SV2C: variants seen among roughly 807,000 people sequenced by gnomAD.
The protein encoded by SV2C is solute carrier family 22 member B3.
In SV2C, 49 loss-of-function variants were observed where a neutral mutation model predicts 79.7. The ratio of observed to expected loss-of-function variants is 0.61; its 90% CI spans 0.49 to 0.78. The LOEUF (loss-of-function observed/expected upper bound fraction) is 0.78. SV2C is among the 30% of genes least tolerant of loss of function. SV2C has a pLI of 0.00. For missense variants in SV2C, 833 were observed against 912.9 expected, an observed-to-expected ratio of 0.91 and a Z score of 1.13; for synonymous variants, 334 against 333.2, an observed-to-expected ratio of 1.00 and a Z score of -0.03.
At chr5:76,038,568 G>A in the SV2C span, among the ~76,000 whole-genome samples, 1 of 152,140 alleles carries the variant, frequency 6.6e-6, no homozygotes, top group African/African-American at 2.4e-5. Context: ...GGCAGATAAA[G>A]CTTCAGGCAC....
At chr5:75,894,715 A>C in the SV2C span, among the ~76,000 whole-genome samples, 1 of 152,134 alleles carries the variant, frequency 6.6e-6, no homozygotes, top group Non-Finnish European at 1.5e-5. Context: ...GTTTGACCAA[A>C]CAGTAGCCCA....
chr5:75,872,246 A>T, the SV2C span, among the ~76,000 whole-genome samples: 8 of 151,626 alleles, frequency 5.3e-5, no homozygotes, highest in Admixed American at 2.0e-4. Context: ...TTATTAGGTA[A>T]TATGAAAAAA....
intron 12 of SV2C, among the ~76,000 whole-genome samples, chr5:76,351,826 C>T (rs1489882304): frequency 1.3e-5 from 2 of 152,316 alleles, no homozygotes; most frequent in South Asian, 2.1e-4. Context: ...TTCTCACCCT[C>T]GCATGGCAAG....
the SV2C span, among the ~76,000 whole-genome samples, chr5:75,858,253 C>CT: frequency 2.0e-5 from 3 of 152,032 alleles, no homozygotes; most frequent in African/African-American, 4.8e-5. Flanking sequence ...TTGTATATGG[C>CT]TTTTTTGTGT....
the SV2C span, among the ~76,000 whole-genome samples, chr5:76,060,104 C>T: frequency 2.0e-5 from 3 of 152,230 alleles, no homozygotes; most frequent in South Asian, 2.1e-4. Context: ...GTCGCTCAGG[C>T]GTTCTTATTT....
intron 4 of SV2C, among the ~76,000 whole-genome samples, chr5:76,280,346 C>T (rs1313434159): frequency 6.6e-6 from 1 of 151,276 alleles, no homozygotes; most frequent in Admixed American, 6.6e-5. Context: ...GGCTAAACTT[C>T]AGCTGTTCAA....
the SV2C span, among the ~76,000 whole-genome samples, chr5:75,896,849 G>A: frequency 6.8e-6 from 1 of 148,116 alleles, no homozygotes; most frequent in African/African-American, 2.6e-5. Flanking sequence ...TGTGTTTTTT[G>A]GCTGCATAAA....
At chr5:76,062,677 A>G in the SV2C span, among the ~76,000 whole-genome samples, 1 of 151,888 alleles carries the variant, frequency 6.6e-6, no homozygotes, top group East Asian at 1.9e-4. Context: ...TTATTGCTTT[A>G]TGGCTGTCTA....
At chr5:76,052,562 T>C in the SV2C span, among the ~76,000 whole-genome samples, 1 of 152,350 alleles carries the variant, frequency 6.6e-6, no homozygotes, top group Non-Finnish European at 1.5e-5. Context: ...GAAGAATGCA[T>C]GTCTGTCGTG....
At chr5:76,081,273 C>G (rs1172852644), upstream of SV2C, among the ~76,000 whole-genome samples, 1 of 152,182 alleles carries the variant, frequency 6.6e-6, no homozygotes, top group Non-Finnish European at 1.5e-5. Context: ...ACTTCCATCA[C>G]TTGGAGAAAC....
chr5:76,346,312 T>A (rs1172273783), intron 12 of SV2C, among the ~76,000 whole-genome samples: 1 of 152,256 alleles, frequency 6.6e-6, no homozygotes, highest in Admixed American at 6.5e-5. Context: ...TTTAAGTTTA[T>A]ATAACTTAGC....
chr5:75,957,269 A>C, the SV2C span, among the ~76,000 whole-genome samples: 4 of 152,034 alleles, frequency 2.6e-5, no homozygotes. Context: ...ACTAAGACAT[A>C]AGGGATACAG....
chr5:75,912,225 T>G, the SV2C span, among the ~76,000 whole-genome samples: 1 of 152,256 alleles, frequency 6.6e-6, no homozygotes, highest in African/African-American at 2.4e-5. Flanking sequence ...GCACACATAC[T>G]CAGAGATAGT....
At chr5:76,189,354 C>T (rs1744026284) in intron 2 of SV2C, among the ~76,000 whole-genome samples, 1 of 151,944 alleles carries the variant, frequency 6.6e-6, no homozygotes, top group African/African-American at 2.4e-5. Flanking sequence ...TAGAATTGAC[C>T]TTAAGAGGAT....
chr5:76,192,544 A>C (rs1216437038), intron 2 of SV2C, among the ~76,000 whole-genome samples: 1 of 152,222 alleles, frequency 6.6e-6, no homozygotes, highest in East Asian at 1.9e-4. Context: ...AACACTGTGA[A>C]TATAGAAAGG....
At chr5:76,347,504 G>A (rs892183875) in intron 12 of SV2C, among the ~76,000 whole-genome samples, 1 of 152,134 alleles carries the variant, frequency 6.6e-6, no homozygotes, top group African/African-American at 2.4e-5. Context: ...GAGTGCAGGG[G>A]TGCAGTCTCC....
intron 2 of SV2C, among the ~76,000 whole-genome samples, chr5:76,146,889 T>A (rs538902078): frequency 6.0e-5 from 9 of 149,384 alleles, no homozygotes; most frequent in Non-Finnish European, 1.3e-4. Context: ...AAAAATTAAG[T>A]GCTGACTGTG....
In SV2C at chr5:76,253,708, GA is replaced by G. The variant is rs11390195; in HGVS notation, c.914-31436del. Among the ~76,000 whole-genome samples, 627 of 118,178 alleles carry G rather than the reference GA, an allele frequency of 5.3e-3. 7 individuals are homozygous for G. Among genetic ancestry groups the G allele is most frequent in the Middle Eastern group, 0.05 (11 of 220 alleles). The allele number at this position is 118,178 out of a possible 152,430, so 77.5% of individuals were successfully genotyped here. A position where few individuals can be genotyped will look rare whatever the true frequency, so the allele number is the denominator to read the frequency against. On this transcript the variant is annotated intron_variant, in intron 4 of 12. Transcript: ENST00000502798. ...TTCCCCACCACCTCTCCTCCCTAAG[GA>G]AAAAAAAAAAAAAAAAATCTCACCT...
chr5:76,266,293 C>T (rs1746652714), intron 4 of SV2C, among the ~76,000 whole-genome samples: 3 of 152,098 alleles, frequency 2.0e-5, no homozygotes, highest in African/African-American at 4.8e-5. Context: ...CTGCAACCTC[C>T]GCCTCCCAGG....
Sources: allele counts gnomAD v4.1 joint callset (sites outside exome capture counted in the v4.1 genomes callset), GRCh38; gene constraint gnomAD v4.1.1; transcripts MANE v1.5; gene names NCBI Gene and HGNC (gene_info 2026-07-23, HGNC 2026-07-21).